The following LAMB4 variants were observed in gnomAD, a reference collection of about 807,000 sequenced individuals.
The protein encoded by LAMB4 is laminin subunit beta-4.
In LAMB4, 196 loss-of-function variants were observed where a neutral mutation model predicts 199.2. The observed-to-expected ratio is 0.98, with a 90% CI of 0.88 to 1.11. LAMB4 has a LOEUF of 1.11. Among genes scored for constraint, LAMB4 ranks in the 50% least tolerant of loss-of-function variants. The pLI is 0.00. For missense variants in LAMB4, 2,080 were observed against 2,171.2 expected (o/e 0.96, Z 0.83); for synonymous variants, 744 against 770.6 (o/e 0.97, Z 0.57).
chr7:108,020,059 C>T (rs1238650753), downstream of LAMB4, among the ~76,000 whole-genome samples: 1 of 152,128 alleles, frequency 6.6e-6, no homozygotes, highest in Non-Finnish European at 1.5e-5. Context: ...AACGTGGGCT[C>T]TCTGACTCCT....
intron 8 of LAMB4, 134 bp from the exon 9 acceptor site, chr7:108,104,753 C>A: frequency 1.1e-6 from 1 of 933,574 alleles, no homozygotes; most frequent in Non-Finnish European, 1.5e-6. Context: ...ATTACAATAC[C>A]AACCTTGATT....
chr7:108,116,188 C>T lies in LAMB4; in HGVS notation c.35-27G>A, dbSNP rs73426894. 9.3e-3 allele frequency: 14,873 copies of T among 1,602,210 alleles called. 887 individuals carry two copies. In the African/African-American group the frequency reaches 0.15, roughly 16 times the overall value. ...TTGAACACAACAGAAATAGCTTACA[C>T]GGAAGGCAGTCTAAGGACAGCACAG... On this transcript the variant is annotated intron_variant, in intron 2 of 33. Coordinates refer to ENST00000388781, the MANE Select transcript of LAMB4 (RefSeq NM_007356.3).
At chr7:108,098,647 C>T (rs1354451790) in intron 10 of LAMB4, 65 bp from the exon 11 acceptor site, 8 of 1,320,066 alleles carry the variant, frequency 6.1e-6, no homozygotes, top group Middle Eastern at 2.7e-4. Flanking sequence ...AATATAAGCA[C>T]GGCATTTTAC....
rs1489207425 is a variant in LAMB4, at chr7:108,048,041, T to C, written c.4193A>G (p.Lys1398Arg). 17 of 1,614,176 alleles carry C rather than the reference T, an allele frequency of 1.1e-5. No individual in the cohort carries two copies. Among genetic ancestry groups the C allele is most frequent in the Non-Finnish European group, 1.4e-5 (16 of 1,180,034 alleles). Reference sequence around the variant, plus strand: ...GGGACCCCTACACTTCCTGTGCCCCTTCCGGCCCGTGCAGAGAGCACCGCC... The same window carrying C: ...GGGACCCCTACACTTCCTGTGCCCCCTCCGGCCCGTGCAGAGAGCACCGCC... ...PCGGALCTGR[K>R]GHRKCRGPGC... is the part of the protein sequence containing the mutation. Residue 1398 changes from lysine (K) to arginine (R), a missense_variant, in exon 28 of 34, where the codon AAG becomes AGG. By Grantham distance (26) the Lys-to-Arg change is conservative. Coordinates refer to ENST00000388781, the MANE Select transcript of LAMB4 (RefSeq NM_007356.3).
intron 13 of LAMB4, 97 bp downstream of exon 13, chr7:108,092,240 G>A: frequency 1.2e-6 from 1 of 849,768 alleles, no homozygotes; most frequent in Admixed American, 2.2e-5. Flanking sequence ...TGCTTGTCAT[G>A]GAATGAAATT....
At chr7:108,038,469 T>C (rs1400603000) in intron 29 of LAMB4, among the ~76,000 whole-genome samples, 1 of 152,212 alleles carries the variant, frequency 6.6e-6, no homozygotes, top group Non-Finnish European at 1.5e-5. Flanking sequence ...AAAGAAACTT[T>C]CAAATACATC....
intron 14 of LAMB4, among the ~76,000 whole-genome samples, chr7:108,083,899 A>G (rs1314127980): frequency 6.6e-6 from 1 of 152,208 alleles, no homozygotes; most frequent in Non-Finnish European, 1.5e-5. Context: ...CTAATCTTAC[A>G]GCTATGGCTG....
At chr7:108,045,246 G>A (rs544265290) in intron 28 of LAMB4, among the ~76,000 whole-genome samples, 26 of 152,216 alleles carry the variant, frequency 1.7e-4, no homozygotes, top group South Asian at 1.5e-3. Flanking sequence ...ACCCTAGGCA[G>A]CAAAGCACCA....
At chr7:108,120,284 A>G (rs1425188164) in intron 2 of LAMB4, among the ~76,000 whole-genome samples, 1 of 152,208 alleles carries the variant, frequency 6.6e-6, no homozygotes, top group Non-Finnish European at 1.5e-5. Context: ...GGTTATTGAA[A>G]AAAACGTGTT....
intron 33 of LAMB4, among the ~76,000 whole-genome samples, chr7:108,028,309 C>T (rs959110290): frequency 7.9e-5 from 12 of 152,094 alleles, no homozygotes; most frequent in Middle Eastern, 3.4e-3. Context: ...ACATTTTGGG[C>T]GGGACAATTG....
At chr7:108,054,888 T>C (rs555953878) in intron 25 of LAMB4, among the ~76,000 whole-genome samples, 1 of 152,332 alleles carries the variant, frequency 6.6e-6, no homozygotes, top group East Asian at 1.9e-4. Context: ...TAATATGTAG[T>C]AAAAATGAGC....
rs763713686 is a variant in LAMB4, at chr7:108,069,801, C to T, written c.2209G>A (p.Glu737Lys). Residue 737 changes from glutamate to lysine, a missense_variant, in exon 18 of 34, where the codon GAA (glutamate) becomes AAA (lysine). Glu to Lys is a moderately conservative substitution (Grantham distance 56). Transcript: ENST00000388781. ...LDEYQLHNCV[E>K]IASAMGPQVL... ...TGAGGTCCCATTGCTGAGGCAATTT[C>T]AACACAGTTGTGAAGCTGATACTCA... 5 of 1,614,080 alleles carry T rather than the reference C, an allele frequency of 3.1e-6. No individual in the cohort carries two copies. In the South Asian group the frequency reaches 3.3e-5, roughly 11 times the overall value.
intron 14 of LAMB4, among the ~76,000 whole-genome samples, chr7:108,085,372 C>T (rs542737296): frequency 4.5e-4 from 69 of 152,264 alleles, no homozygotes; most frequent in Non-Finnish European, 7.9e-4. Flanking sequence ...CTTATGTTTG[C>T]AGTTAAAACT....
Position 108,072,343 on chromosome 7 carries a change from C to T in LAMB4, c.2125-2458G>A, listed in dbSNP as rs80311235. ...TGGTGTATTCATGCCTGTACATGTA[C>T]GCATTGAAGTCTGATGATTTATTTA... On this transcript the variant is annotated intron_variant, in intron 17 of 33. Transcript: ENST00000388781. Among the ~76,000 whole-genome samples the T allele has an allele frequency of 2.0e-3, 311 of 152,178 alleles. 2 individuals carry two copies. The highest frequency in any genetic ancestry group is 6.3e-3 in the African/African-American group (263 of 41,508).
chr7:108,056,660 G>C lies in LAMB4; in HGVS notation c.3380-653C>G, dbSNP rs534435385. 4.6e-5 allele frequency among the ~76,000 whole-genome samples: 7 copies of C among 152,158 alleles called. No individual in the cohort carries two copies. In the South Asian group the frequency reaches 1.4e-3, roughly 32 times the overall value. On this transcript the variant is annotated intron_variant, in intron 24 of 33. Coordinates refer to ENST00000388781, the MANE Select transcript of LAMB4 (RefSeq NM_007356.3). ...GCCTATGTTTTTGGACCAACTGCAAGGAACAAGTAATTTAAAAATGCATTT... is the reference window on the plus strand; with the variant it reads ...GCCTATGTTTTTGGACCAACTGCAACGAACAAGTAATTTAAAAATGCATTT...
chr7:108,014,492 A>C, the LAMB4 span, among the ~76,000 whole-genome samples: 1 of 152,224 alleles, frequency 6.6e-6, no homozygotes, highest in South Asian at 2.1e-4. Context: ...AAATGTTTAC[A>C]CAAATGTTTA....
intron 14 of LAMB4, among the ~76,000 whole-genome samples, chr7:108,087,180 T>C (rs1190971336): frequency 4.6e-5 from 7 of 152,192 alleles, no homozygotes; most frequent in African/African-American, 1.7e-4. Flanking sequence ...CTGAAGTCCA[T>C]ATCATGTTAC....
chr7:108,063,514 C>T (rs1201448390), intron 22 of LAMB4, among the ~76,000 whole-genome samples: 3 of 152,214 alleles, frequency 2.0e-5, no homozygotes, highest in African/African-American at 7.2e-5. Context: ...ACAGGTATTT[C>T]AGGCAACAGA....
At chr7:108,127,538 A>C (rs1238270844) in intron 1 of LAMB4, among the ~76,000 whole-genome samples, 1 of 152,138 alleles carries the variant, frequency 6.6e-6, no homozygotes, top group Non-Finnish European at 1.5e-5. Context: ...TCTCATTGCA[A>C]ATCCCCAGGT....
Sources: gnomAD v4.1 joint callset for allele counts (sites outside exome capture counted in the v4.1 genomes callset) on GRCh38, gnomAD v4.1.1 for gene constraint, MANE v1.5 for transcripts, NCBI Gene and HGNC (gene_info 2026-07-23, HGNC 2026-07-21) for gene names.